MYO16: variants seen among roughly 807,000 people sequenced by gnomAD.
The protein encoded by MYO16 is myosin XVI.
In MYO16, 94 loss-of-function variants were observed where a neutral mutation model predicts 205.3. The ratio of observed to expected loss-of-function variants is 0.46; its 90% CI spans 0.39 to 0.54. MYO16 has a LOEUF of 0.54. Among genes scored for constraint, MYO16 ranks in the 20% least tolerant of loss-of-function variants. The pLI is 0.00. For synonymous variants in MYO16, 988 were observed against 954.0 expected (o/e 1.04, Z -0.66); for missense variants, 2,315 against 2,387.5 (o/e 0.97, Z 0.63).
intron 23 of MYO16, among the ~76,000 whole-genome samples, chr13:109,034,100 C>T (rs1483458290): frequency 3.9e-5 from 6 of 152,148 alleles, no homozygotes; most frequent in African/African-American, 9.7e-5. Flanking sequence ...CAATTTGTGG[C>T]AGAGTCCAGG....
chr13:109,202,575 C>T (rs1880440348), intron 34 of MYO16, among the ~76,000 whole-genome samples: 1 of 152,114 alleles, frequency 6.6e-6, no homozygotes, highest in Non-Finnish European at 1.5e-5. Context: ...CAAATGGAAA[C>T]ACATCCCATG....
At chr13:108,564,616 T>C in the MYO16 span, among the ~76,000 whole-genome samples, 5 of 152,372 alleles carry the variant, frequency 3.3e-5, no homozygotes, top group Non-Finnish European at 7.3e-5. Flanking sequence ...TCCACTTTGC[T>C]GATTGTTTTC....
the MYO16 span, among the ~76,000 whole-genome samples, chr13:108,523,444 T>C: frequency 6.6e-6 from 1 of 152,174 alleles, no homozygotes; most frequent in Admixed American, 6.5e-5. Flanking sequence ...AGTAGCATCT[T>C]CCCTTTATCA....
At chr13:108,571,062 G>A in the MYO16 span, among the ~76,000 whole-genome samples, 1 of 151,984 alleles carries the variant, frequency 6.6e-6, no homozygotes, top group East Asian at 1.9e-4. Flanking sequence ...GATCAGATTA[G>A]TAGGTTTTGA....
At chr13:108,642,098 C>G (rs1880528905) in intron 1 of MYO16, among the ~76,000 whole-genome samples, 2 of 152,136 alleles carry the variant, frequency 1.3e-5, no homozygotes, top group Non-Finnish European at 2.9e-5. Flanking sequence ...GCCAATGATA[C>G]CATCCCAATT....
At chr13:108,721,027 G>A (rs1294763907) in intron 3 of MYO16, among the ~76,000 whole-genome samples, 14 of 152,010 alleles carry the variant, frequency 9.2e-5, no homozygotes, top group South Asian at 2.1e-4. Flanking sequence ...TTTTAAGTTC[G>A]AAGTTCCCTT....
chr13:108,995,981 G>C (rs1278662561), intron 21 of MYO16, among the ~76,000 whole-genome samples: 4 of 152,268 alleles, frequency 2.6e-5, no homozygotes, highest in African/African-American at 9.6e-5. Context: ...TACACTGTTG[G>C]TGGGACTGTA....
At chr13:108,954,882 T>G (rs965349887) in intron 16 of MYO16, among the ~76,000 whole-genome samples, 4 of 152,164 alleles carry the variant, frequency 2.6e-5, no homozygotes, top group Non-Finnish European at 5.9e-5. Flanking sequence ...AACCCCAGCT[T>G]GCTCACCCTC....
At chr13:108,589,851 G>A in the MYO16 span, among the ~76,000 whole-genome samples, 10 of 152,026 alleles carry the variant, frequency 6.6e-5, no homozygotes, top group South Asian at 4.2e-4. Context: ...TAGTTCCTTC[G>A]GAGCAAAATT....
intron 4 of MYO16, among the ~76,000 whole-genome samples, chr13:108,740,462 C>A (rs1411779966): frequency 2.0e-5 from 3 of 152,164 alleles, no homozygotes; most frequent in Non-Finnish European, 4.4e-5. Flanking sequence ...TATTGCTGAA[C>A]AGCAAATGTT....
intron 15 of MYO16, among the ~76,000 whole-genome samples, chr13:108,900,115 A>G (rs1237451056): frequency 1.3e-5 from 2 of 152,180 alleles, no homozygotes; most frequent in Non-Finnish European, 2.9e-5. Flanking sequence ...TGAAGGTGTC[A>G]TCCATTACTA....
At chr13:108,981,417 T>C (rs564337089) in intron 20 of MYO16, among the ~76,000 whole-genome samples, 3 of 152,266 alleles carry the variant, frequency 2.0e-5, no homozygotes, top group African/African-American at 7.2e-5. Context: ...ATAAGTTTGA[T>C]GCTTCTCTTA....
At chr13:108,624,761 A>G (rs536000885), upstream of MYO16, among the ~76,000 whole-genome samples, 1 of 151,000 alleles carries the variant, frequency 6.6e-6, no homozygotes, top group East Asian at 2.0e-4. Flanking sequence ...TTAAGGAGCA[A>G]TTAGAACATC....
intron 34 of MYO16, among the ~76,000 whole-genome samples, chr13:109,181,908 C>A (rs1487274429): frequency 2.0e-5 from 3 of 151,754 alleles, no homozygotes; most frequent in Non-Finnish European, 2.9e-5. Context: ...GCAACCTCCA[C>A]CTCCCGGTTC....
chr13:108,630,006 A>T, intron 1 of MYO16, 134 bp downstream of exon 1: 1 of 627,660 alleles, frequency 1.6e-6, no homozygotes, highest in Admixed American at 2.7e-5. Context: ...GACTTAGAAG[A>T]ATATTTTACA....
At chr13:108,774,516 A>G (rs372620812) in intron 4 of MYO16, among the ~76,000 whole-genome samples, 3 of 152,166 alleles carry the variant, frequency 2.0e-5, no homozygotes, top group African/African-American at 7.2e-5. Flanking sequence ...AACATTGATT[A>G]ATTTTATTTC....
chr13:108,903,476 A>G (rs931497516), intron 15 of MYO16, among the ~76,000 whole-genome samples: 2 of 152,168 alleles, frequency 1.3e-5, no homozygotes, highest in Admixed American at 1.3e-4. Context: ...TTCCCAAAGA[A>G]GGTTACATTC....
chr13:109,199,094 T>TTC (rs917529519), intron 34 of MYO16, among the ~76,000 whole-genome samples: 1 of 151,200 alleles, frequency 6.6e-6, no homozygotes, highest in African/African-American at 2.4e-5. Context: ...CCCATCTCAC[T>TTC]TCTCAATATT....
intron 4 of MYO16, among the ~76,000 whole-genome samples, chr13:108,756,756 A>T (rs2139648166): frequency 6.6e-6 from 1 of 152,304 alleles, no homozygotes; most frequent in South Asian, 2.1e-4. Flanking sequence ...TATGGATTTG[A>T]ATGCTAATCT....
Sources: allele counts gnomAD v4.1 joint callset (sites outside exome capture counted in the v4.1 genomes callset), GRCh38; gene constraint gnomAD v4.1.1; transcripts MANE v1.5; gene names NCBI Gene and HGNC (gene_info 2026-07-23, HGNC 2026-07-21).